NTRK2: variants seen among roughly 807,000 people sequenced by gnomAD.
NTRK2 encodes the protein neurotrophic receptor tyrosine kinase 2, also known as BDNF/NT-3 growth factors receptor.
A neutral mutation model predicts 94.5 loss-of-function variants in NTRK2; 13 were observed. That is an observed-to-expected ratio of 0.14 (90% CI 0.09 to 0.22). NTRK2 has a LOEUF of 0.22. NTRK2 is among the 10% of genes least tolerant of loss of function. The pLI is 1.00. For synonymous variants in NTRK2, 372 were observed against 407.4 expected, an observed-to-expected ratio of 0.91 and a Z score of 1.05; for missense variants, 639 against 1,071.2, an observed-to-expected ratio of 0.60 and a Z score of 5.63.
At position 85,026,449 on chromosome 9, in the gene NTRK2, T is replaced by C; in HGVS notation, c.*5012T>C. On this transcript the variant is annotated 3_prime_UTR_variant, in exon 19 of 19. Transcript: ENST00000277120. ...GAAAAATATTACAGAAAATGAAATG[T>C]AAAGGCCTATATCTTGCAGCTTGTA... The C allele has an allele frequency of 4.3e-6, 1 of 232,368 alleles. No homozygotes were observed. Among genetic ancestry groups the C allele is most frequent in the East Asian group, 6.1e-5 (1 of 16,420 alleles). The allele number at this position is 232,368 out of a possible 1,614,324, so 14.4% of individuals were successfully genotyped here.
At chr9:84,729,609 C>T (rs1291191473) in intron 9 of NTRK2, among the ~76,000 whole-genome samples, 2 of 152,192 alleles carry the variant, frequency 1.3e-5, no homozygotes, top group African/African-American at 4.8e-5. Context: ...GCCTTATCAC[C>T]TCCCCCACCA....
chr9:84,724,127 A>G (rs1403038250), intron 7 of NTRK2, 97 bp from the exon 8 acceptor site: 1 of 1,245,574 alleles, frequency 8.0e-7, no homozygotes, highest in East Asian at 2.3e-5. Flanking sequence ...AATGCTATAT[A>G]TACATATTTT....
At chr9:84,683,052 A>G (rs898265399) in intron 2 of NTRK2, among the ~76,000 whole-genome samples, 4 of 152,150 alleles carry the variant, frequency 2.6e-5, no homozygotes. Context: ...TAATGATGTA[A>G]TCACCTCCAG....
At chr9:84,838,816 T>G (rs1187350655) in intron 12 of NTRK2, among the ~76,000 whole-genome samples, 1 of 152,204 alleles carries the variant, frequency 6.6e-6, no homozygotes, top group East Asian at 1.9e-4. Context: ...TAGATAATTC[T>G]GGACTTTAAA....
chr9:84,721,774 G>A (rs1217558500), intron 6 of NTRK2, among the ~76,000 whole-genome samples: 1 of 152,094 alleles, frequency 6.6e-6, no homozygotes, highest in East Asian at 1.9e-4. Flanking sequence ...TGGGTAAGGT[G>A]GGACTACTGT....
chr9:84,995,288 CT>C (rs569525444), intron 17 of NTRK2, among the ~76,000 whole-genome samples: 70 of 148,940 alleles, frequency 4.7e-4, no homozygotes, highest in East Asian at 4.3e-3. Flanking sequence ...TACTGTTTTG[CT>C]TTTTTTTTTC....
At chr9:84,771,821 G>A (rs1342769269) in intron 12 of NTRK2, among the ~76,000 whole-genome samples, 1 of 152,200 alleles carries the variant, frequency 6.6e-6, no homozygotes, top group African/African-American at 2.4e-5. Flanking sequence ...CATATTGAAA[G>A]AATATGTTTT....
chr9:84,995,735 G>T (rs1168990745), intron 17 of NTRK2, among the ~76,000 whole-genome samples: 1 of 152,210 alleles, frequency 6.6e-6, no homozygotes, highest in Non-Finnish European at 1.5e-5. Flanking sequence ...TGTGTTGGTT[G>T]TGTTTCTAGC....
chr9:84,847,408 C>T (rs568052621), intron 12 of NTRK2, among the ~76,000 whole-genome samples: 4 of 152,230 alleles, frequency 2.6e-5, no homozygotes, highest in African/African-American at 9.6e-5. Flanking sequence ...ATATACCATC[C>T]AGGAGTAAAT....
intron 14 of NTRK2, among the ~76,000 whole-genome samples, chr9:84,913,281 T>C (rs1226293679): frequency 1.3e-5 from 2 of 152,206 alleles, no homozygotes; most frequent in Non-Finnish European, 2.9e-5. Context: ...ATATAACTTA[T>C]TACAGTATTC....
intron 12 of NTRK2, among the ~76,000 whole-genome samples, chr9:84,804,733 T>C (rs908256447): frequency 1.3e-5 from 2 of 152,236 alleles, no homozygotes; most frequent in Non-Finnish European, 2.9e-5. Context: ...CTGTACTGAC[T>C]ATTTGAATCA....
At position 84,675,080 on chromosome 9, in the gene NTRK2, G is replaced by T. The variant is rs117474807; in HGVS notation, c.212+4120G>T. On this transcript the variant is annotated intron_variant, in intron 2 of 18. Coordinates refer to ENST00000277120, the MANE Select transcript of NTRK2 (RefSeq NM_006180.6). ...AGTGTGGAGTTTAGGTCTGTTTAAG[G>T]TCTCTCACTGTTTCTATCCCATAAA... Among the ~76,000 whole-genome samples, 209 of 152,228 alleles carry T rather than the reference G, an allele frequency of 1.4e-3. 4 individuals carry two copies. The East Asian group carries it at 0.031, about 23-fold the overall frequency.
intron 12 of NTRK2, among the ~76,000 whole-genome samples, chr9:84,799,433 G>C (rs1203740244): frequency 6.6e-6 from 1 of 152,152 alleles, no homozygotes; most frequent in African/African-American, 2.4e-5. Flanking sequence ...GCAAACAACC[G>C]ATGTGGAACA....
At chr9:84,752,214 A>G (rs2064692005) in intron 12 of NTRK2, 129 bp downstream of exon 12, 2 of 767,678 alleles carry the variant, frequency 2.6e-6, no homozygotes, top group Middle Eastern at 2.3e-4. Flanking sequence ...AAAAATAGCA[A>G]CAAGGCTTTG....
intron 14 of NTRK2, among the ~76,000 whole-genome samples, chr9:84,916,635 T>A (rs1203824627): frequency 1.3e-5 from 2 of 152,206 alleles, no homozygotes; most frequent in African/African-American, 4.8e-5. Context: ...GGCCTAAGGC[T>A]GCTTATTTCT....
At chr9:84,692,993 T>G (rs2060143227) in intron 2 of NTRK2, among the ~76,000 whole-genome samples, 1 of 152,152 alleles carries the variant, frequency 6.6e-6, no homozygotes, top group Non-Finnish European at 1.5e-5. Flanking sequence ...GGAAATGTGC[T>G]CCGAACAACC....
At chr9:84,996,926 T>G (rs893421218) in intron 17 of NTRK2, among the ~76,000 whole-genome samples, 2 of 152,312 alleles carry the variant, frequency 1.3e-5, no homozygotes, top group South Asian at 2.1e-4. Flanking sequence ...TCTGTGGCTG[T>G]TTCATGGCTG....
At chr9:84,965,462 G>T (rs1003071401) in intron 17 of NTRK2, among the ~76,000 whole-genome samples, 1 of 152,220 alleles carries the variant, frequency 6.6e-6, no homozygotes, top group African/African-American at 2.4e-5. Context: ...GGGGGGAGAT[G>T]TGGGATGACA....
rs765599042 is a variant in NTRK2, at chr9:84,922,025, AT to A, written c.1634-12130del. 1.8e-4 allele frequency among the ~76,000 whole-genome samples: 28 copies of A among 152,118 alleles called. No individual in the cohort carries two copies. In the East Asian group the frequency reaches 3.7e-3, roughly 20 times the overall value. Reference sequence around the variant, plus strand: ...TTCTTAAAATTAAAAAAATCTATGGATTTTTTTCCCTAAAATTCAGGGGTTG... The same window carrying A: ...TTCTTAAAATTAAAAAAATCTATGGATTTTTTCCCTAAAATTCAGGGGTTG... On this transcript the variant is annotated intron_variant, in intron 14 of 18. Transcript: ENST00000277120.
Sources: allele counts gnomAD v4.1 joint callset (sites outside exome capture counted in the v4.1 genomes callset), GRCh38; gene constraint gnomAD v4.1.1; transcripts MANE v1.5; gene names NCBI Gene and HGNC (gene_info 2026-07-23, HGNC 2026-07-21).